FAM83B: variants seen among roughly 807,000 people sequenced by gnomAD.
FAM83B encodes protein FAM83B.
A neutral mutation model predicts 38.8 loss-of-function variants in FAM83B; 26 were observed. That is an observed-to-expected ratio of 0.67 (90% confidence interval 0.49 to 0.93). The LOEUF (loss-of-function observed/expected upper bound fraction) is 0.93. Ranked by LOEUF, FAM83B falls within the 40% of genes least tolerant of loss-of-function variation. The pLI, the probability that FAM83B is intolerant of heterozygous loss-of-function variation, is 0.00. For missense variants in FAM83B, 1,237 were observed against 1,197.3 expected (o/e 1.03, Z -0.49); for synonymous variants, 419 against 423.1 (o/e 0.99, Z 0.12).
rs962345840 is a variant in FAM83B at position 54,894,028 on chromosome 6, A to G, written c.444+23338A>G. On this transcript the variant is annotated intron_variant, in intron 2 of 4. Transcript: ENST00000306858. ...TCAGTATGTTTTATTATGGTCAAAG[A>G]TCAACACTCTTCATTATTCCATGAA... Among the ~76,000 whole-genome samples the G allele has an allele frequency of 3.9e-5, 6 of 152,236 alleles. No individual in the cohort carries two copies. In the South Asian group the frequency reaches 1.0e-3, roughly 26 times the overall value.
At position 54,870,723 on chromosome 6, in the gene FAM83B, T is replaced by G. The variant is rs755761287; in HGVS notation, c.444+33T>G. 6 of 1,538,476 alleles carry G rather than the reference T, an allele frequency of 3.9e-6. No individual in the cohort carries two copies. The African/African-American group carries it at 8.4e-5, about 21-fold the overall frequency. On this transcript the variant is annotated intron_variant, in intron 2 of 4. Transcript: ENST00000306858. The stretch of plus-strand genomic sequence containing the variant: ...CATTTCTATTTTGAAATGAAAAATT[T>G]GAAACATGTAGAAAAGTAGAGAGAG...
At chr6:54,849,004 A>G (rs1771204319) in intron 1 of FAM83B, among the ~76,000 whole-genome samples, 1 of 152,174 alleles carries the variant, frequency 6.6e-6, no homozygotes, top group South Asian at 2.1e-4. Flanking sequence ...TGTTTTGTTC[A>G]TTTTGAAATG....
chr6:54,926,207 A>G (rs1263728538), intron 2 of FAM83B, among the ~76,000 whole-genome samples, 164 bp from the exon 3 acceptor site: 1 of 152,234 alleles, frequency 6.6e-6, no homozygotes, highest in Non-Finnish European at 1.5e-5. Context: ...TTATTTTAAT[A>G]TGGTTTTATC....
At chr6:54,928,839 C>T (rs1773364197) in intron 4 of FAM83B, among the ~76,000 whole-genome samples, 1 of 152,012 alleles carries the variant, frequency 6.6e-6, no homozygotes, top group South Asian at 2.1e-4. Flanking sequence ...AGTAAATTTA[C>T]CTCAGCTTTG....
intron 2 of FAM83B, among the ~76,000 whole-genome samples, chr6:54,872,107 A>G (rs1771870915): frequency 6.6e-6 from 1 of 152,176 alleles, no homozygotes; most frequent in Non-Finnish European, 1.5e-5. Context: ...TTTTGAGTTT[A>G]AATAACCTGT....
At chr6:54,880,442 T>TTTC in intron 2 of FAM83B, among the ~76,000 whole-genome samples, 1 of 35,574 alleles carries the variant, frequency 2.8e-5, no homozygotes, top group South Asian at 9.5e-4. Context: ...AGAAGGTTTC[T>TTTC]TTTTTTTTTT....
Position 54,942,732 on chromosome 6 carries a change from T to TTTTTTTTTTTTTG in FAM83B, c.*725_*726insTTTTTTTTTTTTG, listed in dbSNP as rs1561934815. On this transcript the variant is annotated 3_prime_UTR_variant, in exon 5 of 5. Transcript: ENST00000306858. ...TTACCCATAGGCTGCTGATTTTTTATAGTCATTCCTTACTTCACATTTAGG... is the reference window on the plus strand; with the variant it reads ...TTACCCATAGGCTGCTGATTTTTTATTTTTTTTTTTTTGAGTCATTCCTTACTTCACATTTAGG... 6.6e-6 allele frequency among the ~76,000 whole-genome samples: 1 copy of TTTTTTTTTTTTTG among 151,756 alleles called. No homozygotes were observed. The highest frequency in any genetic ancestry group is 2.4e-5 in the African/African-American group (1 of 41,112).
chr6:54,932,136 G>A (rs777225632), intron 4 of FAM83B, among the ~76,000 whole-genome samples: 16 of 149,490 alleles, frequency 1.1e-4, no homozygotes, highest in Admixed American at 2.0e-4. Context: ...TCAGCCTCCT[G>A]AGTAGCTGTG....
intron 2 of FAM83B, among the ~76,000 whole-genome samples, chr6:54,897,227 TA>T (rs368282962): frequency 3.6e-4 from 52 of 144,012 alleles, no homozygotes; most frequent in Admixed American, 4.9e-4. Flanking sequence ...TGTTGTGATC[TA>T]AAAAAAAAAA....
chr6:54,930,661 A>G (rs1773399831), intron 4 of FAM83B, among the ~76,000 whole-genome samples: 1 of 152,096 alleles, frequency 6.6e-6, no homozygotes. Context: ...AGTTTCAGCA[A>G]TTATTATTAG....
intron 2 of FAM83B, among the ~76,000 whole-genome samples, chr6:54,915,424 A>G (rs937704516): frequency 2.0e-5 from 3 of 151,950 alleles, no homozygotes; most frequent in African/African-American, 7.3e-5. Context: ...TTTACCTCCA[A>G]CCCTTTTATT....
chr6:54,916,997 C>T (rs1236069220), intron 2 of FAM83B, among the ~76,000 whole-genome samples: 1 of 152,208 alleles, frequency 6.6e-6, no homozygotes, highest in Admixed American at 6.5e-5. Flanking sequence ...ATGAGATCCA[C>T]AGGGATGCCT....
At position 54,941,264 on chromosome 6, in the gene FAM83B, C is replaced by G. The variant is rs138310019; in HGVS notation, c.2293C>G (p.Pro765Ala). 8.1e-6 allele frequency: 13 copies of G among 1,610,422 alleles called. No individual in the cohort carries two copies. Among genetic ancestry groups the G allele is most frequent in the South Asian group, 1.1e-5 (1 of 90,078 alleles). The change falls in exon 5 of 5, where the codon CCA (proline) becomes GCA (alanine). Residue 765 changes from proline to alanine, a missense_variant. Coordinates refer to ENST00000306858, the MANE Select transcript of FAM83B (RefSeq NM_001010872.3). ...TTCAAAGAAGGAAGTTAAGGGTTCC[C>G]CAAGTTTTTTGAAAAAGGGGTCTCA... ...LASKKEVKGS[P>A]SFLKKGSQKL...
At position 54,870,474 on chromosome 6, in the gene FAM83B, A is replaced by G; in HGVS notation, c.228A>G (p.Ala76=). 3 of 1,614,094 alleles carry G rather than the reference A, an allele frequency of 1.9e-6. No individual in the cohort carries two copies. Among genetic ancestry groups the G allele is most frequent in the Non-Finnish European group, 2.5e-6 (3 of 1,179,968 alleles). Residue 76 remains alanine, a synonymous_variant, in exon 2 of 5, where the codon GCA becomes GCG. Transcript: ENST00000306858. Reference sequence around the variant, plus strand: ...TCCAGAAAGTTGCACAAAGCACAGCACATGGTACTGATGATTCCTGTGATG... The same window carrying G: ...TCCAGAAAGTTGCACAAAGCACAGCGCATGGTACTGATGATTCCTGTGATG... ...KNVQKVAQST[A]HGTDDSCDDT...
Position 54,870,608 on chromosome 6 carries a change from T to C in FAM83B, c.362T>C (p.Ile121Thr). 6.2e-7 allele frequency: 1 copy of C among 1,613,986 alleles called. No homozygotes were observed. Among genetic ancestry groups the C allele is most frequent in the Admixed American group, 1.7e-5 (1 of 59,990 alleles). The change falls in exon 2 of 5, where the codon ATA becomes ACA. Residue 121 changes from isoleucine to threonine, a missense_variant. Coordinates refer to ENST00000306858, the MANE Select transcript of FAM83B (RefSeq NM_001010872.3). ...CCCGGACTCTTAGGGGGCACCCATA[T>C]AGATCTCCTTTTTCATCCACCAAGA... ...VMPGLLGGTH[I>T]DLLFHPPRAH... is the part of the protein sequence containing the mutation.
intron 1 of FAM83B, among the ~76,000 whole-genome samples, chr6:54,859,259 G>A (rs946641727): frequency 2.0e-5 from 3 of 151,982 alleles, no homozygotes; most frequent in Non-Finnish European, 2.9e-5. Context: ...ACTGGGTTTC[G>A]CCATGTTGGC....
intron 2 of FAM83B, among the ~76,000 whole-genome samples, chr6:54,901,309 A>G (rs970583750): frequency 1.3e-5 from 2 of 152,208 alleles, no homozygotes; most frequent in African/African-American, 4.8e-5. Context: ...TCAATATAGA[A>G]TATCAGTAAG....
At chr6:54,886,185 T>C (rs1259225927) in intron 2 of FAM83B, among the ~76,000 whole-genome samples, 6 of 152,156 alleles carry the variant, frequency 3.9e-5, no homozygotes, top group Admixed American at 2.6e-4. Flanking sequence ...TTATATTTGC[T>C]GGTATTTTAT....
chr6:54,892,083 G>A (rs1772416151), intron 2 of FAM83B, among the ~76,000 whole-genome samples: 1 of 152,120 alleles, frequency 6.6e-6, no homozygotes. Flanking sequence ...TCTTGCTAAT[G>A]AACATTTCTG....
Sources: allele counts gnomAD v4.1 joint callset (sites outside exome capture counted in the v4.1 genomes callset), GRCh38; gene constraint gnomAD v4.1.1; transcripts MANE v1.5; gene names NCBI Gene and HGNC (gene_info 2026-07-23, HGNC 2026-07-21).